CDKN2B-AS1: variants seen among roughly 807,000 people sequenced by gnomAD.
CDKN2B-AS1 encodes the protein CDKN2B antisense RNA 1 (non-protein coding).
chr9:22,088,068 A>G (rs1389159967), intron 4 of CDKN2B-AS1, among the ~76,000 whole-genome samples: 1 of 152,164 alleles, frequency 6.6e-6, no homozygotes, highest in African/African-American at 2.4e-5. Flanking sequence ...CTGTTAATAT[A>G]TGAATTTATC....
chr9:22,027,459 C>T (rs1330825718), intron 1 of CDKN2B-AS1, among the ~76,000 whole-genome samples: 2 of 152,130 alleles, frequency 1.3e-5, no homozygotes, highest in East Asian at 1.9e-4. Flanking sequence ...CACATAATAT[C>T]GCTGATAAGA....
At position 22,000,102 on chromosome 9, in the gene CDKN2B-AS1, T is replaced by G. The variant is rs934864161; in HGVS notation, n.29+4941T>G. On this transcript the variant is annotated intron_variant and non_coding_transcript_variant, in intron 1 of 4. Coordinates refer to ENST00000650946, the Ensembl canonical transcript of CDKN2B-AS1. This position sits in a 1 kb window ranked among gnomAD's most constrained non-coding sequence, Gnocchi z 4.1. ...TTATTAAATAACAACCACAGGAATA[T>G]TGGGGCTCAAACCTAGAGATTCTAA... 3.3e-5 allele frequency among the ~76,000 whole-genome samples: 5 copies of G among 152,144 alleles called. No homozygotes were observed. The highest frequency in any genetic ancestry group is 1.2e-4 in the African/African-American group (5 of 41,450).
chr9:22,117,728 C>G (rs930954993), intron 4 of CDKN2B-AS1: 2 of 152,274 alleles, frequency 1.3e-5, no homozygotes, highest in African/African-American at 4.8e-5. Flanking sequence ...TGTTTATTAG[C>G]AAGACTGACT....
At chr9:22,029,587 C>G in intron 1 of CDKN2B-AS1, 1 of 750,432 alleles carries the variant, frequency 1.3e-6, no homozygotes, top group Non-Finnish European at 2.5e-6. Flanking sequence ...AGGCCCACAC[C>G]TATTGCTGTA....
At chr9:22,109,363 G>T (rs1587543142) in intron 4 of CDKN2B-AS1, among the ~76,000 whole-genome samples, 1 of 152,148 alleles carries the variant, frequency 6.6e-6, no homozygotes, top group African/African-American at 2.4e-5. Flanking sequence ...CTTCTTGTTG[G>T]TCTATTTTTT....
chr9:22,009,141 T>C lies in CDKN2B-AS1; in HGVS notation n.29+13980T>C, dbSNP rs977914737. 4 of 766,174 alleles carry C rather than the reference T, an allele frequency of 5.2e-6. No homozygotes were observed. In the Admixed American group the frequency reaches 7.7e-5, roughly 15 times the overall value. 47.5% of individuals were successfully genotyped at this position (766,174 alleles called of 1,614,324 possible). A position where few individuals can be genotyped will look rare whatever the true frequency, so the allele number is the denominator to read the frequency against. ...CCCCGTGCAGTGGCCGAGCGGCCGG[T>C]CGTTAGCTCCGGGCTTTTCCTGGCG... On this transcript the variant is annotated intron_variant and non_coding_transcript_variant, in intron 1 of 4. Transcript: ENST00000650946.
chr9:22,014,998 C>G (rs969019926), intron 1 of CDKN2B-AS1, among the ~76,000 whole-genome samples: 2 of 151,978 alleles, frequency 1.3e-5, no homozygotes, highest in Non-Finnish European at 2.9e-5. Flanking sequence ...TTTTCTTAAT[C>G]CAGTCTATCA....
intron 4 of CDKN2B-AS1, chr9:22,061,959 C>T (rs1823840728): frequency 6.6e-6 from 1 of 152,104 alleles, no homozygotes; most frequent in Admixed American, 6.5e-5. Context: ...TCAGATATGA[C>T]ACATTCATAA....
chr9:22,123,347 T>C (rs552930695), intron 4 of CDKN2B-AS1, among the ~76,000 whole-genome samples: 1 of 152,340 alleles, frequency 6.6e-6, no homozygotes, highest in East Asian at 1.9e-4. Flanking sequence ...TTTATTTCTT[T>C]GTCTTGCCTA....
Position 21,996,445 on chromosome 9 carries a change from T to G in CDKN2B-AS1, n.29+1284T>G, listed in dbSNP as rs1820690304. Among the ~76,000 whole-genome samples the G allele has an allele frequency of 6.6e-6, 1 of 152,176 alleles. No individual in the cohort carries two copies. The highest frequency in any genetic ancestry group is 2.4e-5 in the African/African-American group (1 of 41,434). On this transcript the variant is annotated intron_variant and non_coding_transcript_variant, in intron 1 of 4. Coordinates refer to ENST00000650946, the Ensembl canonical transcript of CDKN2B-AS1. This position sits in a 1 kb window ranked among gnomAD's most constrained non-coding sequence, Gnocchi z 5.4. ...TTCTCCCTCTTCGCAAATATAGCTC[T>G]TTTTCCTTCAGGTCTCTTCTGAAGT... is the stretch of plus-strand genomic sequence containing the variant.
chr9:22,036,167 G>GATTTTTATTATTAATAAATAATAA (rs1212337097), intron 1 of CDKN2B-AS1, among the ~76,000 whole-genome samples: 1 of 151,998 alleles, frequency 6.6e-6, no homozygotes, highest in Non-Finnish European at 1.5e-5. Context: ...ATAATAAAAC[G>GATTTTTATTATTAATAAATAATAA]TGGGTCAAAA....
rs926425568 is a variant in CDKN2B-AS1 at position 22,012,103 on chromosome 9, G to C, written n.29+16942G>C. On this transcript the variant is annotated intron_variant and non_coding_transcript_variant, in intron 1 of 4. Transcript: ENST00000650946. The stretch of plus-strand genomic sequence containing the variant: ...TGACCTTGATATAGAAGTATGAACA[G>C]ATCTGCCATCCTCTTTTTCTTCAGC... 18 of 781,542 alleles carry C rather than the reference G, an allele frequency of 2.3e-5. No individual in the cohort carries two copies. The South Asian group carries it at 2.7e-4, about 12-fold the overall frequency. The allele number at this position is 781,542 out of a possible 1,614,324, so 48.4% of individuals were successfully genotyped here.
intron 2 of CDKN2B-AS1, among the ~76,000 whole-genome samples, chr9:22,048,706 G>A (rs772476708): frequency 6.6e-6 from 1 of 152,134 alleles, no homozygotes; most frequent in African/African-American, 2.4e-5. Context: ...ACCAACCTTG[G>A]ATGATGGAAT....
At chr9:22,026,204 G>C (rs1303325453) in intron 1 of CDKN2B-AS1, among the ~76,000 whole-genome samples, 1 of 152,156 alleles carries the variant, frequency 6.6e-6, no homozygotes, top group Non-Finnish European at 1.5e-5. Flanking sequence ...GAATGGGTAA[G>C]TTGCCCAAAC....
chr9:22,005,844 T>G lies in CDKN2B-AS1; in HGVS notation n.29+10683T>G. 1 of 1,147,512 alleles carries G rather than the reference T, an allele frequency of 8.7e-7. No individual in the cohort carries two copies. Among genetic ancestry groups the G allele is most frequent in the Non-Finnish European group, 1.2e-6 (1 of 801,876 alleles). The allele number at this position is 1,147,512 out of a possible 1,614,324, so 71.1% of individuals were successfully genotyped here. A position where few individuals can be genotyped will look rare whatever the true frequency, so the allele number is the denominator to read the frequency against. On this transcript the variant is annotated intron_variant and non_coding_transcript_variant, in intron 1 of 4. Transcript: ENST00000650946. The surrounding 1 kb of genome is among the most constrained non-coding windows in gnomAD (Gnocchi z 4.9). The stretch of plus-strand genomic sequence containing the variant: ...TGGAAGGTTATTCCCGGTCGGCTCC[T>G]CCTTCCTGTGAGTCTCAGACAGGCT...
intron 4 of CDKN2B-AS1, among the ~76,000 whole-genome samples, chr9:22,091,371 T>A (rs1166177607): frequency 1.3e-5 from 2 of 152,194 alleles, no homozygotes; most frequent in Non-Finnish European, 2.9e-5. Flanking sequence ...AAGAAAGTCA[T>A]TGGTAGCTTG....
chr9:22,051,410 A>C (rs996657540), intron 3 of CDKN2B-AS1, among the ~76,000 whole-genome samples: 1 of 152,194 alleles, frequency 6.6e-6, no homozygotes, highest in African/African-American at 2.4e-5. Context: ...AGTTATGCTT[A>C]TAAGAGTAAC....
chr9:22,015,908 T>C (rs1312175319), intron 1 of CDKN2B-AS1, among the ~76,000 whole-genome samples: 1 of 152,226 alleles, frequency 6.6e-6, no homozygotes, highest in African/African-American at 2.4e-5. Flanking sequence ...GAGAAGTGTC[T>C]GTTCATATCC....
At chr9:22,035,006 G>A (rs903299318) in intron 1 of CDKN2B-AS1, among the ~76,000 whole-genome samples, 2 of 152,134 alleles carry the variant, frequency 1.3e-5, no homozygotes, top group African/African-American at 2.4e-5. Context: ...TATGTAAAAT[G>A]GGGATAATAA....
Sources: gnomAD v4.1 joint callset for allele counts (sites outside exome capture counted in the v4.1 genomes callset) on GRCh38, gnomAD v4.1.1 for gene constraint, Gnocchi (gnomAD v3.1) non-coding constraint, MANE v1.5 for transcripts, NCBI Gene and HGNC (gene_info 2026-07-23, HGNC 2026-07-21) for gene names.